CPNE5: variants seen among roughly 807,000 people sequenced by gnomAD.
CPNE5 encodes copine 5.
A neutral mutation model predicts 81.1 loss-of-function variants in CPNE5; 42 were observed. The ratio of observed to expected loss-of-function variants is 0.52; its 90% CI spans 0.40 to 0.67. The LOEUF (loss-of-function observed/expected upper bound fraction) is 0.67, where lower values mean the gene tolerates loss of function less well. CPNE5 is among the 30% of genes least tolerant of loss of function. The pLI, the probability that CPNE5 is intolerant of heterozygous loss-of-function variation, is 0.00. For synonymous variants in CPNE5, 313 were observed against 321.5 expected, an observed-to-expected ratio of 0.97 and a Z score of 0.28; for missense variants, 612 against 815.5, an observed-to-expected ratio of 0.75 and a Z score of 3.04.
chr6:36,813,884 C>T (rs1411465208), intron 3 of CPNE5, among the ~76,000 whole-genome samples: 1 of 152,178 alleles, frequency 6.6e-6, no homozygotes, highest in Non-Finnish European at 1.5e-5. Flanking sequence ...TGATGGAGTG[C>T]CCAGGTCAAT....
chr6:36,797,062 A>G (rs2150521167), intron 6 of CPNE5, among the ~76,000 whole-genome samples: 1 of 152,238 alleles, frequency 6.6e-6, no homozygotes, highest in Non-Finnish European at 1.5e-5. Context: ...GCACCACCAC[A>G]CCCAGCTAAT....
At chr6:36,772,715 G>C (rs1388717356) in intron 10 of CPNE5, among the ~76,000 whole-genome samples, 3 of 152,258 alleles carry the variant, frequency 2.0e-5, no homozygotes, top group Admixed American at 2.0e-4. Flanking sequence ...CTGGCAGCCT[G>C]GGGGTTTCTT....
In CPNE5 at chr6:36,823,089, C is replaced by T. The variant is rs771431791; in HGVS notation, c.105G>A (p.Leu35=). Residue 35 remains leucine (L), a synonymous_variant, in exon 2 of 21, where the codon CTG becomes CTA. Coordinates refer to ENST00000244751, the MANE Select transcript of CPNE5 (RefSeq NM_020939.2). The part of the protein sequence containing the change: ...VEITVSCRNL[L]DKDMFSKSDP... ...CGGACTTGGAAAACATGTCTTTGTC[C>T]AGGAGGTTCCTGAAAGAGGGGGAGA... 1.3e-6 allele frequency: 2 copies of T among 1,571,340 alleles called. No individual in the cohort carries two copies. The highest frequency in any genetic ancestry group is 2.4e-5 in the South Asian group (2 of 82,550).
intron 1 of CPNE5, chr6:36,827,311 C>A: frequency 2.0e-6 from 2 of 985,280 alleles, no homozygotes; most frequent in Non-Finnish European, 2.4e-6. Flanking sequence ...ACCCTCAGAG[C>A]CTGCTAAACC....
intron 9 of CPNE5, among the ~76,000 whole-genome samples, chr6:36,777,762 C>A (rs900100219): frequency 1.0e-3 from 18 of 17,458 alleles, no homozygotes; most frequent in Non-Finnish European, 1.5e-3. Flanking sequence ...TACCCCCCCC[C>A]CCACCACACA....
At chr6:36,769,836 C>T (rs1766906035) in intron 10 of CPNE5, among the ~76,000 whole-genome samples, 1 of 152,176 alleles carries the variant, frequency 6.6e-6, no homozygotes, top group Admixed American at 6.5e-5. Context: ...CCTGGGAGCT[C>T]ATCTGTGGCC....
Position 36,748,226 on chromosome 6 carries a change from G to T in CPNE5, c.1013C>A (p.Ser338Tyr). 6.2e-7 allele frequency: 1 copy of T among 1,614,090 alleles called. No individual in the cohort carries two copies. Among genetic ancestry groups the T allele is most frequent in the Non-Finnish European group, 8.5e-7 (1 of 1,179,946 alleles). Residue 338 changes from serine to tyrosine, a missense_variant, in exon 15 of 21, where the codon TCC (serine) becomes TAC (tyrosine). Transcript: ENST00000244751. ...CTACCCATCCCCCAACTCACCATTG[G>T]AGGCAGTGAAATCAATGGCCACAGT... is the stretch of plus-strand genomic sequence containing the variant. The part of the protein sequence containing the change: ...NFTVAIDFTA[S>Y]NGNPSQSTSL...
chr6:36,831,638 C>CAA (rs35409136), intron 1 of CPNE5, among the ~76,000 whole-genome samples: 22,000 of 83,428 alleles, frequency 0.26, 3,656 homozygotes, highest in South Asian at 0.42. Context: ...GACACCATCT[C>CAA]AAAAAAAAAA....
At chr6:36,822,477 C>A (rs181840879) in intron 2 of CPNE5, among the ~76,000 whole-genome samples, 7 of 152,204 alleles carry the variant, frequency 4.6e-5, no homozygotes, top group Admixed American at 4.6e-4. Context: ...GGGTCGGCAC[C>A]ATTGCCTTCT....
Position 36,823,097 on chromosome 6 carries a change from T to G in CPNE5, c.97A>C (p.Asn33His). Residue 33 changes from asparagine to histidine, a missense_variant and splice_region_variant, in exon 2 of 21, where the codon AAC becomes CAC. By Grantham distance (68) the Asn-to-His change is moderately conservative (BLOSUM62 1). Transcript: ENST00000244751. ...GAAAACATGTCTTTGTCCAGGAGGT[T>G]CCTGAAAGAGGGGGAGAGAGGAGGG... ...TKVEITVSCR[N>H]LLDKDMFSKS... The G allele has an allele frequency of 6.4e-7, 1 of 1,567,584 alleles. No individual in the cohort carries two copies. Among genetic ancestry groups the G allele is most frequent in the Non-Finnish European group, 8.7e-7 (1 of 1,154,714 alleles).
intron 8 of CPNE5, among the ~76,000 whole-genome samples, chr6:36,786,012 CAAAAAAAAAA>C (rs36060316): frequency 1.2e-5 from 1 of 83,856 alleles, no homozygotes; most frequent in Non-Finnish European, 2.3e-5. Context: ...GACTCCGTCT[CAAAAAAAAAA>C]AAAAAAAAAA....
chr6:36,783,895 C>A (rs573431476), intron 8 of CPNE5, among the ~76,000 whole-genome samples: 1 of 152,084 alleles, frequency 6.6e-6, no homozygotes, highest in African/African-American at 2.4e-5. Context: ...TAGCAAGAGG[C>A]GCTAAGATGG....
At chr6:36,769,122 C>T (rs1766836218) in intron 10 of CPNE5, among the ~76,000 whole-genome samples, 1 of 152,178 alleles carries the variant, frequency 6.6e-6, no homozygotes, top group Non-Finnish European at 1.5e-5. Flanking sequence ...TTGTTTGTTT[C>T]CTGCTGTATC....
At chr6:36,774,528 T>A (rs1393754118) in intron 10 of CPNE5, among the ~76,000 whole-genome samples, 2 of 152,142 alleles carry the variant, frequency 1.3e-5, no homozygotes, top group Non-Finnish European at 2.9e-5. Context: ...TCTGCCTGCA[T>A]CAACACCCTG....
Position 36,790,056 on chromosome 6 carries a change from G to A in CPNE5, c.528+1977C>T, listed in dbSNP as rs572709534. On this transcript the variant is annotated intron_variant, in intron 8 of 20. Transcript: ENST00000244751. Reference sequence around the variant, plus strand: ...CCAGTGGTTAAAGACCTTGGCTCTAGAACCAAACTGCCAAGTTTCAAATCT... The same window carrying A: ...CCAGTGGTTAAAGACCTTGGCTCTAAAACCAAACTGCCAAGTTTCAAATCT... Among the ~76,000 whole-genome samples the A allele has an allele frequency of 2.6e-5, 4 of 152,256 alleles. No individual in the cohort carries two copies. The South Asian group carries it at 8.3e-4, about 32-fold the overall frequency.
intron 1 of CPNE5, chr6:36,827,564 C>A: frequency 2.0e-6 from 2 of 985,324 alleles, no homozygotes; most frequent in Non-Finnish European, 2.4e-6. Flanking sequence ...TCTCTTAGGG[C>A]CTCAGTTTCC....
chr6:36,762,191 T>G (rs1582781615), intron 12 of CPNE5, among the ~76,000 whole-genome samples: 1 of 137,508 alleles, frequency 7.3e-6, no homozygotes, highest in Non-Finnish European at 1.5e-5. Flanking sequence ...AGATTGGGGC[T>G]GCAGTGAACC....
chr6:36,797,381 G>A (rs1038879240), intron 6 of CPNE5, among the ~76,000 whole-genome samples: 7 of 152,200 alleles, frequency 4.6e-5, no homozygotes, highest in South Asian at 2.1e-4. Flanking sequence ...CAAAAGCCTC[G>A]GGATCCAGTT....
chr6:36,789,053 C>G (rs781071602), intron 8 of CPNE5, among the ~76,000 whole-genome samples: 1 of 152,188 alleles, frequency 6.6e-6, no homozygotes, highest in Non-Finnish European at 1.5e-5. Flanking sequence ...GCTGGAAAGA[C>G]GAAGCAAAGC....
Sources: allele counts gnomAD v4.1 joint callset (sites outside exome capture counted in the v4.1 genomes callset), GRCh38; gene constraint gnomAD v4.1.1; transcripts MANE v1.5; gene names NCBI Gene and HGNC (gene_info 2026-07-23, HGNC 2026-07-21).